PKHD1: variants seen among roughly 807,000 people sequenced by gnomAD.
PKHD1 encodes PKHD1 ciliary IPT domain containing fibrocystin/polyductin.
In PKHD1, 291 loss-of-function variants were observed where a neutral mutation model predicts 412.0. The ratio of observed to expected loss-of-function variants is 0.71; its 90% CI spans 0.64 to 0.78. PKHD1 has a LOEUF of 0.78. Ranked by LOEUF, PKHD1 falls within the 30% of genes least tolerant of loss-of-function variation. The pLI is 0.00. For missense variants in PKHD1, 4,825 were observed against 4,950.7 expected, an observed-to-expected ratio of 0.97 and a Z score of 0.76; for synonymous variants, 1,777 against 1,821.5, an observed-to-expected ratio of 0.98 and a Z score of 0.62.
chr6:51,856,663 A>G (rs1458661718), intron 48 of PKHD1, among the ~76,000 whole-genome samples: 1 of 152,226 alleles, frequency 6.6e-6, no homozygotes, highest in African/African-American at 2.4e-5. Flanking sequence ...GAGTGGCTTC[A>G]GCATCCTTCT....
intron 60 of PKHD1, among the ~76,000 whole-genome samples, chr6:51,739,005 ATG>A (rs148648226): frequency 1.7e-4 from 25 of 149,100 alleles, no homozygotes; most frequent in African/African-American, 2.9e-4. Flanking sequence ...CTCTCCTGGA[ATG>A]TGTGTGTGTG....
intron 35 of PKHD1, among the ~76,000 whole-genome samples, chr6:51,961,748 T>C (rs1319520192): frequency 6.6e-6 from 1 of 152,142 alleles, no homozygotes; most frequent in East Asian, 1.9e-4. Context: ...TGAACCAGGT[T>C]ATCTGTAGTG....
chr6:51,839,405 C>CA lies in PKHD1; in HGVS notation c.8108-2937dup, dbSNP rs996430330. ...TAAGAAGATCTGATGCTCAAAAAGA[C>CA]AAAAAAAAAGTCTTTGGGCCAATTA... On this transcript the variant is annotated intron_variant, in intron 50 of 66. Coordinates refer to ENST00000371117, the MANE Select transcript of PKHD1 (RefSeq NM_138694.4). 6.6e-4 allele frequency among the ~76,000 whole-genome samples: 100 copies of CA among 150,732 alleles called. 1 individual carries two copies. Among genetic ancestry groups the CA allele is most frequent in the African/African-American group, 1.8e-3 (76 of 41,102 alleles).
chr6:51,836,304 A>G, intron 51 of PKHD1, 100 bp downstream of exon 51: 1 of 822,962 alleles, frequency 1.2e-6, no homozygotes, highest in Admixed American at 1.7e-5. Context: ...TAGGACTGAT[A>G]CCTGCCTGTT....
rs147639455 is a variant in PKHD1 at position 52,006,172 on chromosome 6, T to TTA, written c.5751+4135_5751+4136dup. ...CCCTCCCATCTAGGTCACTAAAAAA[T>TTA]TATATATATATATATATTTTAGACG... On this transcript the variant is annotated intron_variant, in intron 35 of 66. Transcript: ENST00000371117. 2.8e-3 allele frequency among the ~76,000 whole-genome samples: 415 copies of TTA among 149,254 alleles called. 4 individuals are homozygous for TTA. The highest frequency in any genetic ancestry group is 0.019 in the East Asian group (99 of 5,124).
At position 52,045,473 on chromosome 6, in the gene PKHD1, T is replaced by C. The variant is rs115723772; in HGVS notation, c.2593-385A>G. ...TCCCATTCTTCCTCCATCTCCTTTCTAGAATTTCGATTGAAAACCAGATAA... is the reference window on the plus strand; with the variant it reads ...TCCCATTCTTCCTCCATCTCCTTTCCAGAATTTCGATTGAAAACCAGATAA... On this transcript the variant is annotated intron_variant, in intron 24 of 66. Transcript: ENST00000371117. Among the ~76,000 whole-genome samples, 1,434 of 152,336 alleles carry C rather than the reference T, an allele frequency of 9.4e-3. 32 individuals are homozygous for C. The highest frequency in any genetic ancestry group is 0.032 in the African/African-American group (1,318 of 41,574).
chr6:51,911,578 G>A (rs1375272311), intron 39 of PKHD1, among the ~76,000 whole-genome samples: 1 of 151,996 alleles, frequency 6.6e-6, no homozygotes, highest in African/African-American at 2.4e-5. Flanking sequence ...TATTTCTTTT[G>A]TCTTTTGTTA....
intron 31 of PKHD1, 60 bp from the exon 32 acceptor site, chr6:52,026,241 A>G: frequency 6.6e-7 from 1 of 1,505,042 alleles, no homozygotes; most frequent in Non-Finnish European, 9.2e-7. Context: ...AAGAATTCAT[A>G]GCACCTGTGG....
chr6:52,068,183 A>G (rs966762085), intron 11 of PKHD1, among the ~76,000 whole-genome samples: 21 of 152,180 alleles, frequency 1.4e-4, no homozygotes, highest in African/African-American at 5.1e-4. Context: ...GAGATGCTTA[A>G]TTAAGGCTCA....
intron 35 of PKHD1, among the ~76,000 whole-genome samples, chr6:52,008,007 C>T (rs1270773971): frequency 6.6e-6 from 1 of 152,188 alleles, no homozygotes; most frequent in Non-Finnish European, 1.5e-5. Context: ...TAGGGCCCTG[C>T]TCCCAATAGA....
At position 51,836,462 on chromosome 6, in the gene PKHD1, AC is replaced by A. The variant is rs774050795; in HGVS notation, c.8114del (p.Gly2705ValfsTer11). The part of the protein sequence containing the change: ...QLRQLTYLVS[G>X]EGQVQVILRV... ...GGAGAATGACTTGAACTTGGCCTTC[AC>A]CTGAAACTAAATACCAAAAGCCACA... On this transcript the variant is annotated frameshift_variant, in exon 51 of 67. Coordinates refer to ENST00000371117, the MANE Select transcript of PKHD1 (RefSeq NM_138694.4). LOFTEE classifies it high-confidence loss of function. The A allele has an allele frequency of 8.7e-6, 14 of 1,611,638 alleles. No individual in the cohort carries two copies. Among genetic ancestry groups the A allele is most frequent in the African/African-American group, 1.3e-5 (1 of 74,854 alleles).
At chr6:51,663,899 C>A (rs931030045) in intron 60 of PKHD1, among the ~76,000 whole-genome samples, 7 of 152,052 alleles carry the variant, frequency 4.6e-5, no homozygotes, top group Admixed American at 1.3e-4. Context: ...TATTGTATCT[C>A]ATAGTTGATT....
intron 52 of PKHD1, among the ~76,000 whole-genome samples, chr6:51,829,015 T>G (rs944992641): frequency 6.6e-6 from 1 of 152,192 alleles, no homozygotes; most frequent in Non-Finnish European, 1.5e-5. Context: ...CACCTGTTTT[T>G]CACTCACCTG....
chr6:52,048,538 A>C lies in PKHD1; in HGVS notation c.2361T>G (p.Pro787=). ...GCTGGATGCGAAAGTGTCCTCCTAG[A>C]GGTGGACTTGTCCGCTGTCGTCTCT... The part of the protein sequence containing the change: ...TTQRRQRTSP[P]LGGHFRIQLP... Residue 787 remains proline (P), a synonymous_variant, in exon 23 of 67, where the codon CCT becomes CCG. Coordinates refer to ENST00000371117, the MANE Select transcript of PKHD1 (RefSeq NM_138694.4). The C allele has an allele frequency of 6.2e-7, 1 of 1,614,094 alleles. No homozygotes were observed. The highest frequency in any genetic ancestry group is 2.2e-5 in the East Asian group (1 of 44,874).
chr6:51,668,004 G>C (rs971184910), intron 60 of PKHD1, among the ~76,000 whole-genome samples: 1 of 152,070 alleles, frequency 6.6e-6, no homozygotes, highest in Non-Finnish European at 1.5e-5. Flanking sequence ...TGTTCTTTTG[G>C]CTTAGGATTG....
At position 51,618,286 on chromosome 6, in the gene PKHD1, G is replaced by A. The variant is rs1193710189; in HGVS notation, c.*795C>T. Reference sequence around the variant, plus strand: ...TGGCTTTCTCTGATCTCCCAATGTAGTTCTTTTCCAGTTGTAAATGTGACC... The same window carrying A: ...TGGCTTTCTCTGATCTCCCAATGTAATTCTTTTCCAGTTGTAAATGTGACC... On this transcript the variant is annotated 3_prime_UTR_variant, in exon 67 of 67. Coordinates refer to ENST00000371117, the MANE Select transcript of PKHD1 (RefSeq NM_138694.4). 6.6e-6 allele frequency: 1 copy of A among 152,178 alleles called. No individual in the cohort carries two copies. The highest frequency in any genetic ancestry group is 2.4e-5 in the African/African-American group (1 of 41,410). 9.4% of individuals were successfully genotyped at this position (152,178 alleles called of 1,614,324 possible).
At chr6:52,051,546 T>C (rs1029885063) in intron 21 of PKHD1, among the ~76,000 whole-genome samples, 2 of 152,170 alleles carry the variant, frequency 1.3e-5, no homozygotes, top group Admixed American at 6.5e-5. Flanking sequence ...CCCTCTTGTC[T>C]CCGCCCTCTC....
chr6:51,770,597 C>T (rs192604683), intron 55 of PKHD1, among the ~76,000 whole-genome samples: 2 of 151,222 alleles, frequency 1.3e-5, no homozygotes, highest in African/African-American at 2.4e-5. Flanking sequence ...TTTAAATATA[C>T]CTTTTTTGTT....
chr6:51,923,960 T>A (rs1184062189), intron 37 of PKHD1, among the ~76,000 whole-genome samples: 1 of 152,190 alleles, frequency 6.6e-6, no homozygotes, highest in Non-Finnish European at 1.5e-5. Flanking sequence ...CCCAGTTTCA[T>A]CATCTCTAAA....
Sources: allele counts gnomAD v4.1 joint callset (sites outside exome capture counted in the v4.1 genomes callset), GRCh38; gene constraint gnomAD v4.1.1; transcripts MANE v1.5; gene names NCBI Gene and HGNC (gene_info 2026-07-23, HGNC 2026-07-21).